Variants in TCP11L2 observed in about 807,000 individuals in gnomAD.
The protein encoded by TCP11L2 is t-complex 11 like 2.
In TCP11L2, 39 loss-of-function variants were observed where a neutral mutation model predicts 50.7. The observed-to-expected ratio is 0.77, with a 90% CI of 0.60 to 1.01. The LOEUF is 1.01. TCP11L2 is among the 50% of genes least tolerant of loss of function. The pLI is 0.00. For missense variants in TCP11L2, 612 were observed against 614.7 expected (o/e 1.00, Z 0.05); for synonymous variants, 192 against 219.3 (o/e 0.88, Z 1.10).
chr12:106,312,340 G>T, intron 2 of TCP11L2: 1 of 1,039,866 alleles, frequency 9.6e-7, no homozygotes, highest in South Asian at 1.4e-5. Flanking sequence ...AAAGACTTTT[G>T]GATATCACTG....
intron 6 of TCP11L2, chr12:106,330,093 T>G: frequency 1.0e-6 from 1 of 985,406 alleles, no homozygotes; most frequent in Non-Finnish European, 1.2e-6. Context: ...AACTGTGGTA[T>G]AAAAAGCAAT....
chr12:106,298,169 G>C (rs2034374925), upstream of TCP11L2, among the ~76,000 whole-genome samples: 1 of 152,144 alleles, frequency 6.6e-6, no homozygotes, highest in Admixed American at 6.5e-5. Context: ...TTGGAAAATT[G>C]TTCAAGCATC....
intron 6 of TCP11L2, among the ~76,000 whole-genome samples, chr12:106,327,400 C>T (rs546717300): frequency 2.2e-4 from 34 of 152,118 alleles, no homozygotes; most frequent in Admixed American, 4.6e-4. Flanking sequence ...GTCTGTGTTG[C>T]TCAGGCTGGT....
chr12:106,335,762 T>G lies in TCP11L2; in HGVS notation c.896T>G (p.Leu299Trp), dbSNP rs773858612. The part of the protein sequence containing the change: ...NTSKPSLSPT[L>W]VLNNSYLKLL... ...TCCAAGCCAAGCCTGAGCCCTACTT[T>G]GGTGCTAAATAATAGTTACTTGAAA... Residue 299 changes from leucine (L) to tryptophan (W), a missense_variant, in exon 7 of 10, where the codon TTG becomes TGG. Coordinates refer to ENST00000299045, the MANE Select transcript of TCP11L2 (RefSeq NM_152772.3). 6.2e-7 allele frequency: 1 copy of G among 1,614,244 alleles called. No individual in the cohort carries two copies. The highest frequency in any genetic ancestry group is 8.5e-7 in the Non-Finnish European group (1 of 1,180,044).
chr12:106,314,594 A>G (rs1328837330), intron 3 of TCP11L2, 101 bp downstream of exon 3: 3 of 968,962 alleles, frequency 3.1e-6, no homozygotes, highest in East Asian at 2.6e-5. Flanking sequence ...AGAGAGAGAG[A>G]GAGAGAGACA....
intron 6 of TCP11L2, among the ~76,000 whole-genome samples, chr12:106,328,964 C>A (rs955847261): frequency 9.9e-5 from 15 of 151,892 alleles, no homozygotes; most frequent in African/African-American, 3.1e-4. Flanking sequence ...AGCCCCTGGT[C>A]GGGAAGATGG....
intron 6 of TCP11L2, among the ~76,000 whole-genome samples, chr12:106,335,045 TG>T (rs2035869343): frequency 6.6e-6 from 1 of 152,160 alleles, no homozygotes; most frequent in Admixed American, 6.5e-5. Flanking sequence ...GAATGACAAT[TG>T]TTTGTGGACA....
At chr12:106,343,120 G>T (rs1403602071) in intron 9 of TCP11L2, among the ~76,000 whole-genome samples, 1 of 152,172 alleles carries the variant, frequency 6.6e-6, no homozygotes, top group Non-Finnish European at 1.5e-5. Flanking sequence ...CTTTGGCAGG[G>T]ACTCCGTGTG....
At chr12:106,323,738 T>A in intron 6 of TCP11L2, 92 bp downstream of exon 6, 1 of 467,992 alleles carries the variant, frequency 2.1e-6, no homozygotes, top group Non-Finnish European at 3.1e-6. Flanking sequence ...TTAAATTAAA[T>A]TAAATTAATA....
At chr12:106,318,591 G>A (rs1256629811) in intron 4 of TCP11L2, 127 bp downstream of exon 4, 1 of 1,190,260 alleles carries the variant, frequency 8.4e-7, no homozygotes, top group African/African-American at 1.6e-5. Context: ...AGGCTGGGAA[G>A]TCCAAAATCA....
chr12:106,340,736 G>T, intron 8 of TCP11L2, 90 bp from the exon 9 acceptor site: 1 of 1,103,004 alleles, frequency 9.1e-7, no homozygotes, highest in Non-Finnish European at 1.3e-6. Flanking sequence ...AGAGAAATTT[G>T]GTAGACATCT....
In TCP11L2 at chr12:106,327,743, A is replaced by G. The variant is rs1243620663; in HGVS notation, c.772+4097A>G. 2.6e-5 allele frequency among the ~76,000 whole-genome samples: 4 copies of G among 152,344 alleles called. No homozygotes were observed. In the East Asian group the frequency reaches 7.7e-4, roughly 29 times the overall value. On this transcript the variant is annotated intron_variant, in intron 6 of 9. Transcript: ENST00000299045. ...CAAAATGTTGGATTTCTGTGTACAC[A>G]TGATTATATAAGAATTATTAGAAAA... is the stretch of plus-strand genomic sequence containing the variant.
intron 3 of TCP11L2, 71 bp downstream of exon 3, chr12:106,314,564 TGTGTGTGTGTGTGAGAGAGAGAGA>T: frequency 1.0e-6 from 1 of 977,656 alleles, no homozygotes; most frequent in South Asian, 1.5e-5. Context: ...TGTGTGTGTG[TGTGTGTGTGTGTGAGAGAGAGAGA>T]GAGAGAGAGA....
chr12:106,340,816 T>C lies in TCP11L2; in HGVS notation c.1143-10T>C. 1.9e-6 allele frequency: 3 copies of C among 1,560,250 alleles called. No homozygotes were observed. Among genetic ancestry groups the C allele is most frequent in the Non-Finnish European group, 2.6e-6 (3 of 1,159,162 alleles). On this transcript the variant is annotated splice_polypyrimidine_tract_variant and intron_variant, in intron 8 of 9. Transcript: ENST00000299045. ...CTTTCCCTGGTGGAATTTCATTTTA[T>C]GTTTCATAGGACCTTTAACTTGAAG... is the stretch of plus-strand genomic sequence containing the variant.
chr12:106,327,625 C>T (rs568886305), intron 6 of TCP11L2, among the ~76,000 whole-genome samples: 32 of 152,254 alleles, frequency 2.1e-4, no homozygotes, highest in African/African-American at 7.2e-4. Context: ...AATCAAGAGT[C>T]CCAGAAGCAG....
chr12:106,299,893 A>T (rs1470851831), upstream of TCP11L2, among the ~76,000 whole-genome samples: 3 of 152,236 alleles, frequency 2.0e-5, no homozygotes, highest in Admixed American at 1.3e-4. Flanking sequence ...ATGATTTATT[A>T]TAATTTAAAA....
At chr12:106,312,518 G>A (rs372382325) in intron 2 of TCP11L2, 2 of 741,856 alleles carry the variant, frequency 2.7e-6, no homozygotes, top group South Asian at 3.8e-5. Context: ...CTGAAGAAGG[G>A]TTTTACCAAT....
rs79736570 is a variant in TCP11L2, at chr12:106,313,968, G to A, written c.158-390G>A. ...TTTTTAGTAGAGACGGGGTTTCACC[G>A]TGTTAACCAGGATGGTCTTGATCTC... On this transcript the variant is annotated intron_variant, in intron 2 of 9. Transcript: ENST00000299045. Among the ~76,000 whole-genome samples, 287 of 152,040 alleles carry A rather than the reference G, an allele frequency of 1.9e-3. 4 individuals carry two copies. In the East Asian group the frequency reaches 0.044, roughly 23 times the overall value.
At chr12:106,331,758 G>A (rs2035753478) in intron 6 of TCP11L2, among the ~76,000 whole-genome samples, 1 of 152,196 alleles carries the variant, frequency 6.6e-6, no homozygotes, top group African/African-American at 2.4e-5. Context: ...CAGAGGCCAC[G>A]GCTCCCAACT....
Sources: gnomAD v4.1 joint callset for allele counts (sites outside exome capture counted in the v4.1 genomes callset) on GRCh38, gnomAD v4.1.1 for gene constraint, MANE v1.5 for transcripts, NCBI Gene and HGNC (gene_info 2026-07-23, HGNC 2026-07-21) for gene names.